The following NOL4 variants were observed in gnomAD, a reference collection of about 807,000 sequenced individuals.
NOL4 encodes cancer/testis antigen 125.
Under a neutral mutation model 75.9 loss-of-function variants are expected in NOL4, and 17 were observed. That is an observed-to-expected ratio of 0.22 (90% CI 0.15 to 0.34). NOL4 has a LOEUF of 0.34. NOL4 is among the 10% of genes least tolerant of loss of function. The pLI, the probability that NOL4 is intolerant of heterozygous loss-of-function variation, is 1.00. For missense variants in NOL4, 614 were observed against 793.5 expected (o/e 0.77, Z 2.72); for synonymous variants, 292 against 289.9 (o/e 1.01, Z -0.07).
At chr18:34,052,791 C>T (rs1488041334) in intron 5 of NOL4, among the ~76,000 whole-genome samples, 4 of 151,916 alleles carry the variant, frequency 2.6e-5, no homozygotes, top group Admixed American at 6.6e-5. Context: ...AGAACTTTTT[C>T]CTGGTACAGG....
chr18:34,208,799 T>C (rs909492908), intron 1 of NOL4, among the ~76,000 whole-genome samples: 3 of 151,430 alleles, frequency 2.0e-5, no homozygotes, highest in Admixed American at 6.6e-5. Context: ...GAGGCGGAGG[T>C]TGCAGTAAGC....
In NOL4 at chr18:34,215,893, C is replaced by T. The variant is rs534378611; in HGVS notation, c.264+7097G>A. On this transcript the variant is annotated intron_variant, in intron 1 of 10. Transcript: ENST00000261592. ...CTATTAAGCCATAAATAGACTAGTG[C>T]CTGCATAGATTTTAAGCATTCATGG... 3.3e-5 allele frequency among the ~76,000 whole-genome samples: 5 copies of T among 152,124 alleles called. No homozygotes were observed. The East Asian group carries it at 7.7e-4, about 23-fold the overall frequency.
chr18:33,978,855 A>T (rs2071717270), intron 6 of NOL4, among the ~76,000 whole-genome samples: 1 of 151,546 alleles, frequency 6.6e-6, no homozygotes, highest in Non-Finnish European at 1.5e-5. Context: ...AAGTTTTTTA[A>T]AAAAATATTT....
chr18:33,852,959 C>T lies in NOL4; in HGVS notation c.1800G>A (p.Gln600=). ...GSSSSSNSRP[Q]LSPTEINAVR... ...CGGCATTGATTTCAGTTGGACTCAG[C>T]TGGGGTCTGGAGTTTGAGCTGCTGG... Residue 600 remains glutamine, a synonymous_variant, in exon 11 of 11, where the codon CAG becomes CAA. Transcript: ENST00000261592. 1 of 1,613,166 alleles carries T rather than the reference C, an allele frequency of 6.2e-7. No homozygotes were observed. Among genetic ancestry groups the T allele is most frequent in the East Asian group, 2.2e-5 (1 of 44,832 alleles).
At chr18:34,003,755 C>G (rs1040587185) in intron 6 of NOL4, among the ~76,000 whole-genome samples, 1 of 152,034 alleles carries the variant, frequency 6.6e-6, no homozygotes, top group East Asian at 1.9e-4. Flanking sequence ...GCTTCACTTA[C>G]TGCCTTGTAA....
chr18:34,012,626 C>G (rs571519583), intron 6 of NOL4, among the ~76,000 whole-genome samples: 1 of 152,002 alleles, frequency 6.6e-6, no homozygotes, highest in Admixed American at 6.6e-5. Context: ...AAGAACCACT[C>G]TCATTCAATT....
intron 2 of NOL4, among the ~76,000 whole-genome samples, chr18:34,120,127 G>C (rs945787410): frequency 6.6e-6 from 1 of 152,154 alleles, no homozygotes; most frequent in Non-Finnish European, 1.5e-5. Context: ...ATATTGGCTT[G>C]AGTCTGAAGG....
In NOL4 at chr18:34,181,327, A is replaced by C. The variant is rs1469061674; in HGVS notation, c.264+41663T>G. Among the ~76,000 whole-genome samples the C allele has an allele frequency of 7.9e-5, 12 of 151,720 alleles. No homozygotes were observed. In the South Asian group the frequency reaches 1.9e-3, roughly 24 times the overall value. On this transcript the variant is annotated intron_variant, in intron 1 of 10. Transcript: ENST00000261592. ...AAGACAATTCACTCTGGTAAATAAT[A>C]ATCTTTTCCACAAATGGTGCTGTGA... is the stretch of plus-strand genomic sequence containing the variant.
At chr18:34,133,516 T>G (rs906011056) in intron 1 of NOL4, among the ~76,000 whole-genome samples, 1 of 151,918 alleles carries the variant, frequency 6.6e-6, no homozygotes, top group African/African-American at 2.4e-5. Context: ...AAAGACAGTA[T>G]AATTGCATAT....
In NOL4 at chr18:34,099,362, CAA is replaced by C. The variant is rs58940650; in HGVS notation, c.639+4683_639+4684del. ...TAGGCAACAGAGTGAGACTTTGTCT[CAA>C]AAAAAAAAAAAAAGACAACTACGCA... On this transcript the variant is annotated intron_variant, in intron 4 of 10. Transcript: ENST00000261592. Among the ~76,000 whole-genome samples the C allele has an allele frequency of 2.5e-4, 20 of 80,014 alleles. No homozygotes were observed. The South Asian group carries it at 2.7e-3, about 11-fold the overall frequency. The allele number at this position is 80,014 out of a possible 152,430, so 52.5% of individuals were successfully genotyped here.
intron 2 of NOL4, among the ~76,000 whole-genome samples, chr18:34,128,340 T>C (rs1322157803): frequency 6.6e-6 from 1 of 151,966 alleles, no homozygotes; most frequent in Non-Finnish European, 1.5e-5. Flanking sequence ...CAATTGAAAT[T>C]ATGCATCCCT....
intron 5 of NOL4, among the ~76,000 whole-genome samples, chr18:34,063,413 C>T (rs944312720): frequency 6.6e-6 from 1 of 151,980 alleles, no homozygotes; most frequent in African/African-American, 2.4e-5. Context: ...CTTATTTTCC[C>T]CTTCCATTTG....
chr18:34,072,007 C>CAG (rs1207368300), intron 5 of NOL4, among the ~76,000 whole-genome samples: 1 of 152,074 alleles, frequency 6.6e-6, no homozygotes, highest in African/African-American at 2.4e-5. Flanking sequence ...CTGAGGCCTG[C>CAG]AGATCATGAG....
intron 10 of NOL4, among the ~76,000 whole-genome samples, chr18:33,871,397 TAA>T (rs986043026): frequency 5.3e-5 from 8 of 151,930 alleles, no homozygotes; most frequent in African/African-American, 1.9e-4. Context: ...AATGTCCATA[TAA>T]AGAGTGAGAT....
At chr18:34,001,224 C>T (rs575101167) in intron 6 of NOL4, among the ~76,000 whole-genome samples, 42 of 152,188 alleles carry the variant, frequency 2.8e-4, no homozygotes, top group Admixed American at 2.6e-3. Context: ...CTTCTCTTTA[C>T]GTGAATTCTT....
chr18:33,949,547 T>A, intron 8 of NOL4, among the ~76,000 whole-genome samples: 1 of 152,042 alleles, frequency 6.6e-6, no homozygotes, highest in East Asian at 1.9e-4. Context: ...TGTAAATCAA[T>A]ACACAAGAGA....
chr18:34,069,889 C>T (rs1474045744), intron 5 of NOL4, among the ~76,000 whole-genome samples: 3 of 152,196 alleles, frequency 2.0e-5, no homozygotes, highest in African/African-American at 4.8e-5. Flanking sequence ...AATTTTAGTC[C>T]TGCCTCCAAC....
intron 1 of NOL4, among the ~76,000 whole-genome samples, chr18:34,146,763 T>C (rs1341156233): frequency 2.0e-5 from 3 of 151,914 alleles, no homozygotes; most frequent in Non-Finnish European, 4.4e-5. Flanking sequence ...AAGAAAGTCA[T>C]TGGTAGCTTG....
chr18:33,860,919 T>A (rs1444062647), intron 10 of NOL4, among the ~76,000 whole-genome samples: 3 of 152,192 alleles, frequency 2.0e-5, no homozygotes, highest in Non-Finnish European at 4.4e-5. Flanking sequence ...TGGTTCTGTT[T>A]ATATGCTGGA....
Sources: allele counts gnomAD v4.1 joint callset (sites outside exome capture counted in the v4.1 genomes callset), GRCh38; gene constraint gnomAD v4.1.1; transcripts MANE v1.5; gene names NCBI Gene and HGNC (gene_info 2026-07-23, HGNC 2026-07-21).